The following CTNNA3 variants were observed in gnomAD, a reference collection of about 807,000 sequenced individuals.
The protein encoded by CTNNA3 is catenin alpha-3.
A neutral mutation model predicts 95.7 loss-of-function variants in CTNNA3; 76 were observed. That is an observed-to-expected ratio of 0.79 (90% CI 0.66 to 0.96). The LOEUF is 0.96. CTNNA3 is among the 40% of genes least tolerant of loss of function. CTNNA3 has a pLI of 0.00. For synonymous variants in CTNNA3, 431 were observed against 374.4 expected (o/e 1.15, Z -1.74); for missense variants, 1,191 against 1,089.8 (o/e 1.09, Z -1.31).
At chr10:67,361,024 GAACA>G (rs1842975515) in intron 5 of CTNNA3, among the ~76,000 whole-genome samples, 2 of 148,446 alleles carry the variant, frequency 1.3e-5, no homozygotes, top group African/African-American at 2.5e-5. Context: ...AAAAAAAAAA[GAACA>G]AAGAAGGGTA....
intron 8 of CTNNA3, among the ~76,000 whole-genome samples, chr10:66,769,584 G>T (rs985245282): frequency 1.3e-5 from 2 of 152,188 alleles, no homozygotes; most frequent in African/African-American, 4.8e-5. Flanking sequence ...CATGCTTCTT[G>T]TGTGCCTTCC....
intron 7 of CTNNA3, among the ~76,000 whole-genome samples, chr10:66,898,052 A>G (rs1457996180): frequency 6.6e-6 from 1 of 152,228 alleles, no homozygotes; most frequent in African/African-American, 2.4e-5. Flanking sequence ...TCAGGAGCAA[A>G]AGTGAAAGAA....
At chr10:67,151,690 A>G (rs755711368) in intron 7 of CTNNA3, among the ~76,000 whole-genome samples, 9 of 152,206 alleles carry the variant, frequency 5.9e-5, no homozygotes, top group Non-Finnish European at 1.2e-4. Context: ...TGCAGCTTCT[A>G]TCAAAGCAGT....
chr10:66,543,774 A>G (rs1388018857), intron 10 of CTNNA3, among the ~76,000 whole-genome samples: 4 of 151,494 alleles, frequency 2.6e-5, no homozygotes, highest in Admixed American at 2.0e-4. Flanking sequence ...GCTTGTAACA[A>G]CATCCAATTC....
At chr10:66,120,955 G>A (rs1017553127) in intron 13 of CTNNA3, among the ~76,000 whole-genome samples, 22 of 152,174 alleles carry the variant, frequency 1.4e-4, no homozygotes, top group Non-Finnish European at 1.5e-4. Flanking sequence ...AACAGAAGCT[G>A]TGAAAATAAC....
At chr10:67,452,051 G>A (rs1386605978) in intron 5 of CTNNA3, among the ~76,000 whole-genome samples, 5 of 136,744 alleles carry the variant, frequency 3.7e-5, no homozygotes, top group African/African-American at 1.4e-4. Context: ...GGGAGGGAGG[G>A]AGGGAGGAAT....
chr10:66,436,944 T>C lies in CTNNA3; in HGVS notation c.1532-57592A>G, dbSNP rs190346163. Among the ~76,000 whole-genome samples, 481 of 152,280 alleles carry C rather than the reference T, an allele frequency of 3.2e-3. 3 individuals are homozygous for C. Among genetic ancestry groups the C allele is most frequent in the African/African-American group, 0.011 (447 of 41,554 alleles). On this transcript the variant is annotated intron_variant, in intron 11 of 17. Transcript: ENST00000433211. ...AAGGATTTTATTTCTCCTTCACTTA[T>C]GAAGCTTAGTTTGGCTGGATAAAAA... is the stretch of plus-strand genomic sequence containing the variant.
chr10:66,392,516 A>G (rs1291541530), intron 11 of CTNNA3, among the ~76,000 whole-genome samples: 1 of 152,110 alleles, frequency 6.6e-6, no homozygotes, highest in Non-Finnish European at 1.5e-5. Flanking sequence ...ACTGGTATCA[A>G]GGATGTACAA....
chr10:67,183,901 C>CT (rs1432600008), intron 6 of CTNNA3, among the ~76,000 whole-genome samples: 1 of 151,976 alleles, frequency 6.6e-6, no homozygotes, highest in East Asian at 1.9e-4. Flanking sequence ...TCAATGCAGT[C>CT]TTTTTTACAT....
chr10:66,682,019 TG>T (rs1332750777), intron 9 of CTNNA3, among the ~76,000 whole-genome samples: 12 of 152,324 alleles, frequency 7.9e-5, no homozygotes, highest in Non-Finnish European at 1.8e-4. Context: ...CCTGTGGGCG[TG>T]TCAGGTCCTT....
intron 3 of CTNNA3, among the ~76,000 whole-genome samples, chr10:67,588,089 A>G (rs1842688086): frequency 6.6e-6 from 1 of 151,934 alleles, no homozygotes; most frequent in Non-Finnish European, 1.5e-5. Context: ...TTGATTTCTC[A>G]TTCATATTCT....
At chr10:65,940,120 T>G (rs572893597) in intron 17 of CTNNA3, among the ~76,000 whole-genome samples, 1 of 152,134 alleles carries the variant, frequency 6.6e-6, no homozygotes, top group South Asian at 2.1e-4. Flanking sequence ...CCTTAACACA[T>G]AAAGAGCATT....
rs181356698 is a variant in CTNNA3 at position 66,144,647 on chromosome 10, C to A, written c.1885-41398G>T. Among the ~76,000 whole-genome samples the A allele has an allele frequency of 1.6e-4, 24 of 152,216 alleles. No homozygotes were observed. The East Asian group carries it at 3.7e-3, about 23-fold the overall frequency. On this transcript the variant is annotated intron_variant, in intron 13 of 17. Coordinates refer to ENST00000433211, the MANE Select transcript of CTNNA3 (RefSeq NM_013266.4). The stretch of plus-strand genomic sequence containing the variant: ...AGATTACAGGGACCAGCCACCACAC[C>A]TAGCTAATTTTGTATTTTTTAGTAG...
chr10:66,825,279 A>T (rs917907453), intron 7 of CTNNA3, among the ~76,000 whole-genome samples: 4 of 134,434 alleles, frequency 3.0e-5, no homozygotes, highest in African/African-American at 5.0e-5. Flanking sequence ...ACATATATAT[A>T]TATATTTTTT....
chr10:66,199,797 ATATATATATTTTT>A (rs1376302482), intron 13 of CTNNA3, among the ~76,000 whole-genome samples: 1,294 of 16,386 alleles, frequency 0.079, 116 homozygotes, highest in African/African-American at 0.21. Flanking sequence ...ATATATATAT[ATATATATATTTTT>A]TTTTTTTTTT....
intron 7 of CTNNA3, among the ~76,000 whole-genome samples, chr10:66,914,808 G>A (rs1057005465): frequency 1.3e-5 from 2 of 152,074 alleles, no homozygotes; most frequent in South Asian, 4.1e-4. Context: ...CATAGACAAT[G>A]CATAAAAGAA....
chr10:66,602,066 T>G (rs1843947075), intron 10 of CTNNA3, among the ~76,000 whole-genome samples: 2 of 151,964 alleles, frequency 1.3e-5, no homozygotes, highest in Admixed American at 6.6e-5. Flanking sequence ...TAATCTTGAT[T>G]GTAGTACAAG....
At chr10:66,622,122 T>C (rs1379417617) in intron 9 of CTNNA3, among the ~76,000 whole-genome samples, 1 of 152,080 alleles carries the variant, frequency 6.6e-6, no homozygotes, top group Non-Finnish European at 1.5e-5. Context: ...TGCTAATAGG[T>C]TTTTGGAATC....
At chr10:66,517,397 G>A (rs1840899553) in intron 11 of CTNNA3, among the ~76,000 whole-genome samples, 1 of 151,966 alleles carries the variant, frequency 6.6e-6, no homozygotes, top group Non-Finnish European at 1.5e-5. Context: ...ACAAGATATA[G>A]GTCATAAAGA....
Sources: allele counts gnomAD v4.1 joint callset (sites outside exome capture counted in the v4.1 genomes callset), GRCh38; gene constraint gnomAD v4.1.1; transcripts MANE v1.5; gene names NCBI Gene and HGNC (gene_info 2026-07-23, HGNC 2026-07-21).